The following CHCT1 variants were observed in gnomAD, a reference collection of about 807,000 sequenced individuals.
CHCT1 encodes the protein CHD1 helical C-terminal domain containing protein 1.
At chr17:60,426,696 C>G in the CHCT1 span, 2 of 1,602,884 alleles carry the variant, frequency 1.2e-6, no homozygotes, top group Non-Finnish European at 1.7e-6. Context: ...ACCTCCCCAG[C>G]CTAGGGTCTC....
the CHCT1 span, among the ~76,000 whole-genome samples, chr17:60,425,108 GT>G: frequency 6.6e-6 from 1 of 152,070 alleles, no homozygotes; most frequent in Non-Finnish European, 1.5e-5. Context: ...AATGGCCCCA[GT>G]TTTTTCAATC....
At chr17:60,426,988 G>A in the CHCT1 span, 2 of 787,726 alleles carry the variant, frequency 2.5e-6, no homozygotes, top group Non-Finnish European at 3.1e-6. Flanking sequence ...GGGCAGAGTG[G>A]GCTGAAGAGG....
the CHCT1 span, chr17:60,426,013 G>A: frequency 1.6e-6 from 2 of 1,255,458 alleles, no homozygotes; most frequent in Non-Finnish European, 1.1e-6. Flanking sequence ...AAGGACTTTT[G>A]GTGAGAGGTG....
chr17:60,429,076 A>G, the CHCT1 span, among the ~76,000 whole-genome samples: 3 of 152,094 alleles, frequency 2.0e-5, no homozygotes, highest in Non-Finnish European at 2.9e-5. Flanking sequence ...TTTAAAACAC[A>G]TATCATTTCA....
the CHCT1 span, among the ~76,000 whole-genome samples, chr17:60,427,317 G>C: frequency 6.6e-6 from 1 of 152,188 alleles, no homozygotes; most frequent in African/African-American, 2.4e-5. Context: ...GTTGCCATGG[G>C]AAGGGGTCGC....
the CHCT1 span, chr17:60,426,207 A>C: frequency 6.4e-7 from 1 of 1,551,780 alleles, no homozygotes; most frequent in Non-Finnish European, 8.7e-7. Context: ...CGAAAGTTGC[A>C]CCTGCCCAGG....
chr17:60,424,386 C>T, the CHCT1 span, among the ~76,000 whole-genome samples: 1 of 152,154 alleles, frequency 6.6e-6, no homozygotes, highest in South Asian at 2.1e-4. Context: ...CAAGGAGCTG[C>T]TTAAATCTTT....
the CHCT1 span, chr17:60,421,956 C>T: frequency 3.0e-6 from 3 of 985,266 alleles, no homozygotes; most frequent in Non-Finnish European, 3.6e-6. Context: ...GGTTACAGAG[C>T]CCGTAGGCAC....
chr17:60,421,940 G>A, the CHCT1 span: 127 of 985,242 alleles, frequency 1.3e-4, no homozygotes, highest in Middle Eastern at 1.5e-3. Flanking sequence ...GGAAGGCCGC[G>A]GGGAGGGTTA....
the CHCT1 span, chr17:60,426,973 G>C: frequency 3.6e-5 from 33 of 909,910 alleles, no homozygotes; most frequent in African/African-American, 5.6e-4. Context: ...CTTTACCCCT[G>C]CCCTGGGCAG....
At chr17:60,429,894 G>T in the CHCT1 span, among the ~76,000 whole-genome samples, 3 of 151,848 alleles carry the variant, frequency 2.0e-5, no homozygotes, top group Admixed American at 6.6e-5. Flanking sequence ...GCGCTATCTC[G>T]GCTCACTGCA....
chr17:60,421,388 C>T, the CHCT1 span: 1 of 985,418 alleles, frequency 1.0e-6, no homozygotes, highest in Non-Finnish European at 1.2e-6. Flanking sequence ...GCCGCTATGC[C>T]CCTCTCCTGT....
chr17:60,426,180 C>T, the CHCT1 span: 228 of 1,551,702 alleles, frequency 1.5e-4, 1 homozygote, highest in East Asian at 2.8e-3. Flanking sequence ...TACCTAAGAC[C>T]GCTGAAGAAG....
the CHCT1 span, chr17:60,421,863 G>C: frequency 1.0e-6 from 1 of 985,480 alleles, no homozygotes; most frequent in Non-Finnish European, 1.2e-6. Context: ...CACGAGGCCG[G>C]CGACGGGACT....
chr17:60,422,006 C>CACCCAGT, the CHCT1 span: 40 of 916,108 alleles, frequency 4.4e-5, no homozygotes, highest in Admixed American at 6.5e-5. Context: ...ACACACATCC[C>CACCCAGT]ACCCAGTACC....
At chr17:60,427,235 C>G in the CHCT1 span, among the ~76,000 whole-genome samples, 2 of 152,106 alleles carry the variant, frequency 1.3e-5, no homozygotes, top group African/African-American at 4.8e-5. Flanking sequence ...TATTTATCCC[C>G]GCTTTTAATT....
chr17:60,430,071 C>A, the CHCT1 span, among the ~76,000 whole-genome samples: 3 of 150,900 alleles, frequency 2.0e-5, no homozygotes, highest in African/African-American at 4.9e-5. Context: ...ACAATCCAGC[C>A]GCCTCAGCCT....
At chr17:60,431,107 C>G in the CHCT1 span, 3 of 1,025,182 alleles carry the variant, frequency 2.9e-6, no homozygotes, top group Non-Finnish European at 4.4e-6. Context: ...CTACAACACC[C>G]CCCATGTATT....
the CHCT1 span, among the ~76,000 whole-genome samples, chr17:60,429,750 C>G: frequency 6.6e-6 from 1 of 151,922 alleles, no homozygotes; most frequent in Non-Finnish European, 1.5e-5. Context: ...TCCACTTTCT[C>G]TTCTCTTTTT....
Sources: gnomAD v4.1 joint callset for allele counts (sites outside exome capture counted in the v4.1 genomes callset) on GRCh38, gnomAD v4.1.1 for gene constraint, MANE v1.5 for transcripts, NCBI Gene and HGNC (gene_info 2026-07-23, HGNC 2026-07-21) for gene names.